Variants in MCU observed in about 807,000 individuals in gnomAD.
MCU encodes the protein mitochondrial calcium uniporter.
In MCU, 12 loss-of-function variants were observed where a neutral mutation model predicts 45.2. The observed-to-expected ratio is 0.27, with a 90% CI of 0.17 to 0.43. MCU has a LOEUF of 0.43. MCU is among the 20% of genes least tolerant of loss of function. MCU has a pLI of 1.00. For missense variants in MCU, 324 were observed against 436.7 expected, an observed-to-expected ratio of 0.74 and a Z score of 2.30; for synonymous variants, 160 against 165.1, an observed-to-expected ratio of 0.97 and a Z score of 0.24.
At chr10:72,838,518 G>A (rs1161680640) in intron 2 of MCU, among the ~76,000 whole-genome samples, 1 of 152,104 alleles carries the variant, frequency 6.6e-6, no homozygotes, top group African/African-American at 2.4e-5. Flanking sequence ...GGCTAAGGTG[G>A]GAGGATTGCT....
chr10:72,809,380 A>G (rs1424710799), intron 1 of MCU, among the ~76,000 whole-genome samples: 6 of 152,222 alleles, frequency 3.9e-5, no homozygotes, highest in East Asian at 1.9e-4. Context: ...ATTAATATTC[A>G]TAGAAAAAAG....
intron 6 of MCU, among the ~76,000 whole-genome samples, chr10:72,882,802 G>A (rs898671571): frequency 5.3e-5 from 8 of 151,990 alleles, no homozygotes; most frequent in East Asian, 1.9e-4. Flanking sequence ...CACCCTATTC[G>A]TACACTCCCT....
At chr10:72,720,034 C>A (rs1589431173) in intron 1 of MCU, among the ~76,000 whole-genome samples, 1 of 152,168 alleles carries the variant, frequency 6.6e-6, no homozygotes, top group Non-Finnish European at 1.5e-5. Context: ...AAATACTACG[C>A]CCATCTAATT....
intron 1 of MCU, among the ~76,000 whole-genome samples, chr10:72,762,263 A>T (rs1843666462): frequency 6.6e-6 from 1 of 152,218 alleles, no homozygotes; most frequent in Admixed American, 6.5e-5. Context: ...AGATGGATTC[A>T]CAGCTGAAAT....
intron 7 of MCU, 46 bp downstream of exon 7, chr10:72,884,428 G>A (rs751586145): frequency 3.7e-6 from 4 of 1,073,382 alleles, no homozygotes; most frequent in Non-Finnish European, 5.8e-6. Context: ...TATCTTGCAT[G>A]GTTATTATTA....
intron 1 of MCU, among the ~76,000 whole-genome samples, chr10:72,755,657 A>G (rs556104312): frequency 1.4e-4 from 21 of 152,350 alleles, no homozygotes; most frequent in Admixed American, 7.2e-4. Context: ...TTAGATCACT[A>G]TGAGTTTGCA....
chr10:72,799,895 T>C (rs939120716), intron 1 of MCU, among the ~76,000 whole-genome samples: 7 of 152,230 alleles, frequency 4.6e-5, no homozygotes, highest in Admixed American at 4.6e-4. Context: ...ATATTAGACA[T>C]ATAACATTTG....
At chr10:72,797,780 C>T (rs1412376719) in intron 1 of MCU, among the ~76,000 whole-genome samples, 1 of 152,152 alleles carries the variant, frequency 6.6e-6, no homozygotes, top group East Asian at 1.9e-4. Context: ...GGTGATCCAC[C>T]CACCTTGGCC....
chr10:72,799,602 A>G (rs996962822), intron 1 of MCU, among the ~76,000 whole-genome samples: 7 of 152,158 alleles, frequency 4.6e-5, no homozygotes, highest in African/African-American at 1.7e-4. Context: ...GATTACAGGT[A>G]CATGCCACTA....
chr10:72,858,397 A>G (rs1845325969), intron 2 of MCU, among the ~76,000 whole-genome samples: 4 of 152,242 alleles, frequency 2.6e-5, no homozygotes, highest in African/African-American at 7.2e-5. Context: ...TAGACTGGCC[A>G]GAACCACTCC....
At chr10:72,820,899 C>G (rs773545815) in intron 1 of MCU, among the ~76,000 whole-genome samples, 3 of 150,998 alleles carry the variant, frequency 2.0e-5, no homozygotes, top group Non-Finnish European at 4.4e-5. Flanking sequence ...ATACGTGTTC[C>G]GTTTCTGTTG....
chr10:72,876,452 A>G (rs1845617504), intron 6 of MCU, among the ~76,000 whole-genome samples: 1 of 152,160 alleles, frequency 6.6e-6, no homozygotes, highest in Non-Finnish European at 1.5e-5. Flanking sequence ...AACTCCTAAT[A>G]TTGGACTAAT....
At chr10:72,865,872 G>T (rs1175777407) in intron 4 of MCU, among the ~76,000 whole-genome samples, 1 of 151,832 alleles carries the variant, frequency 6.6e-6, no homozygotes, top group African/African-American at 2.4e-5. Context: ...TGCCTCCTGG[G>T]TTCATGCCAT....
chr10:72,755,839 A>ATT lies in MCU; in HGVS notation c.150+63552_150+63553dup, dbSNP rs57441750. 3.7e-5 allele frequency among the ~76,000 whole-genome samples: 5 copies of ATT among 134,550 alleles called. No homozygotes were observed. The South Asian group carries it at 9.4e-4, about 25-fold the overall frequency. The allele number at this position is 134,550 out of a possible 152,430, so 88.3% of individuals were successfully genotyped here. A position where few individuals can be genotyped will look rare whatever the true frequency, so the allele number is the denominator to read the frequency against. On this transcript the variant is annotated intron_variant, in intron 1 of 7. Coordinates refer to ENST00000373053, the MANE Select transcript of MCU (RefSeq NM_138357.3). ...TAGGGATATTAGCCCAATTGAAACC[A>ATT]TTTTTTTTTTTTTTTCATTGAGACA...
chr10:72,769,779 A>C (rs1307915234), intron 1 of MCU, among the ~76,000 whole-genome samples: 1 of 152,152 alleles, frequency 6.6e-6, no homozygotes, highest in Non-Finnish European at 1.5e-5. Context: ...TCATTTCCCC[A>C]CAATCCTTCC....
Position 72,868,846 on chromosome 10 carries a change from C to G in MCU, c.640C>G (p.Leu214Val). 6.2e-7 allele frequency: 1 copy of G among 1,612,884 alleles called. No individual in the cohort carries two copies. The highest frequency in any genetic ancestry group is 8.5e-7 in the Non-Finnish European group (1 of 1,179,674). Residue 214 changes from leucine (L) to valine (V), a missense_variant, in exon 5 of 8, where the codon CTG becomes GTG. By Grantham distance (32) the Leu-to-Val change is conservative. This residue lies in a region of MCU where 135 missense variants were observed against 207.3 expected (regional missense o/e 0.65). Coordinates refer to ENST00000373053, the MANE Select transcript of MCU (RefSeq NM_138357.3). ...IERLEDLKEQ[L>V]APLEKVRIEI... ...AAGACTAGAGGATCTCAAAGAGCAG[C>G]TGGCTCCCCTGGAAAAGGTAAAACT...
chr10:72,717,733 A>G (rs1034520849), intron 1 of MCU, among the ~76,000 whole-genome samples: 1 of 152,188 alleles, frequency 6.6e-6, no homozygotes, highest in Non-Finnish European at 1.5e-5. Flanking sequence ...AAGACCATAG[A>G]TAGAAAGTAT....
At chr10:72,714,639 G>A (rs906343796) in intron 1 of MCU, among the ~76,000 whole-genome samples, 4 of 151,652 alleles carry the variant, frequency 2.6e-5, no homozygotes, top group Non-Finnish European at 2.9e-5. Flanking sequence ...CTGCCTCCCG[G>A]GTTAAAGCAA....
chr10:72,863,630 T>C lies in MCU; in HGVS notation c.496+3103T>C, dbSNP rs2132874689. On this transcript the variant is annotated intron_variant, in intron 4 of 7. Coordinates refer to ENST00000373053, the MANE Select transcript of MCU (RefSeq NM_138357.3). ...TACAAGTCTATCTTATTTTATTTTA[T>C]TTTTGAGACGGAGTCTCTCTCTGTC... is the stretch of plus-strand genomic sequence containing the variant. Among the ~76,000 whole-genome samples, 4 of 152,324 alleles carry C rather than the reference T, an allele frequency of 2.6e-5. No individual in the cohort carries two copies. In the South Asian group the frequency reaches 8.3e-4, roughly 32 times the overall value.
Sources: allele counts gnomAD v4.1 joint callset (sites outside exome capture counted in the v4.1 genomes callset), GRCh38; gene constraint gnomAD v4.1.1; regional missense constraint gnomAD v4.1.1; transcripts MANE v1.5; gene names NCBI Gene and HGNC (gene_info 2026-07-23, HGNC 2026-07-21).